The following HCN1 variants were observed in gnomAD, a reference collection of about 807,000 sequenced individuals.
The protein encoded by HCN1 is potassium/sodium hyperpolarization-activated cyclic nucleotide-gated channel 1.
Under a neutral mutation model 78.9 loss-of-function variants are expected in HCN1, and 13 were observed. That is an observed-to-expected ratio of 0.16 (90% CI 0.11 to 0.26). HCN1 has a LOEUF of 0.26. Ranked by LOEUF, HCN1 falls within the 10% of genes least tolerant of loss-of-function variation. The pLI, the probability that HCN1 is intolerant of heterozygous loss-of-function variation, is 1.00. For missense variants in HCN1, 810 were observed against 1,154.3 expected, an observed-to-expected ratio of 0.70 and a Z score of 4.32; for synonymous variants, 552 against 455.5, an observed-to-expected ratio of 1.21 and a Z score of -2.70.
chr5:45,610,132 C>T (rs1744804996), intron 2 of HCN1, among the ~76,000 whole-genome samples: 1 of 152,100 alleles, frequency 6.6e-6, no homozygotes, highest in Non-Finnish European at 1.5e-5. Flanking sequence ...AGAGGGTATA[C>T]TTAAAAGAGG....
At chr5:45,428,388 A>C (rs1214724562) in intron 3 of HCN1, among the ~76,000 whole-genome samples, 1 of 151,906 alleles carries the variant, frequency 6.6e-6, no homozygotes, top group Non-Finnish European at 1.5e-5. Context: ...TTGGGTCCTT[A>C]CTTTCCCTTC....
At chr5:45,493,934 CA>C (rs1741959307) in intron 2 of HCN1, among the ~76,000 whole-genome samples, 1 of 152,096 alleles carries the variant, frequency 6.6e-6, no homozygotes, top group African/African-American at 2.4e-5. Flanking sequence ...ATGAACTCAT[CA>C]TTTTTTATGG....
At chr5:45,346,924 C>A (rs1229807741) in intron 5 of HCN1, among the ~76,000 whole-genome samples, 1 of 152,224 alleles carries the variant, frequency 6.6e-6, no homozygotes, top group Non-Finnish European at 1.5e-5. Flanking sequence ...GTAGGCTCCA[C>A]CTCTGGGGGC....
At chr5:45,393,897 A>T (rs1232491328) in intron 4 of HCN1, among the ~76,000 whole-genome samples, 1 of 152,130 alleles carries the variant, frequency 6.6e-6, no homozygotes, top group Admixed American at 6.6e-5. Flanking sequence ...TGATCTGAGG[A>T]TCATAACTCC....
chr5:45,373,444 C>G (rs1298142323), intron 4 of HCN1, among the ~76,000 whole-genome samples: 4 of 135,178 alleles, frequency 3.0e-5, no homozygotes, highest in African/African-American at 1.1e-4. Context: ...TATACATCAT[C>G]TATAATTTAT....
chr5:45,542,394 C>T (rs1743122478), intron 2 of HCN1, among the ~76,000 whole-genome samples: 1 of 151,938 alleles, frequency 6.6e-6, no homozygotes, highest in Admixed American at 6.6e-5. Flanking sequence ...GTATTTGACT[C>T]TGCTGTATGT....
intron 2 of HCN1, among the ~76,000 whole-genome samples, chr5:45,555,113 T>G (rs1561199459): frequency 6.6e-6 from 1 of 151,896 alleles, no homozygotes; most frequent in Non-Finnish European, 1.5e-5. Flanking sequence ...ATTATTCTTA[T>G]TTGTAGATTA....
intron 2 of HCN1, among the ~76,000 whole-genome samples, chr5:45,535,729 A>G (rs1742954203): frequency 6.6e-6 from 1 of 151,364 alleles, no homozygotes; most frequent in Non-Finnish European, 1.5e-5. Context: ...ATACCAAGGA[A>G]TTTTCCATCA....
intron 3 of HCN1, among the ~76,000 whole-genome samples, chr5:45,431,990 TACAAATAGCATTGAATCTGCA>T (rs545403974): frequency 2.4e-4 from 37 of 152,332 alleles, no homozygotes; most frequent in Admixed American, 2.3e-3. Context: ...GGTAGTTTCA[TACAAATAGCATTGAATCTGCA>T]AATTGTTTTA....
intron 4 of HCN1, among the ~76,000 whole-genome samples, chr5:45,362,484 A>G (rs1197747538): frequency 6.6e-6 from 1 of 152,080 alleles, no homozygotes; most frequent in East Asian, 1.9e-4. Context: ...CTTATAAACA[A>G]TGAAAGAAGT....
intron 2 of HCN1, among the ~76,000 whole-genome samples, chr5:45,622,160 C>T (rs1019200800): frequency 6.6e-6 from 1 of 151,590 alleles, no homozygotes; most frequent in South Asian, 2.1e-4. Flanking sequence ...AGGCCGAGAT[C>T]GCGCCACTGC....
At chr5:45,361,870 T>A (rs561869111) in intron 4 of HCN1, among the ~76,000 whole-genome samples, 1 of 152,186 alleles carries the variant, frequency 6.6e-6, no homozygotes, top group South Asian at 2.1e-4. Flanking sequence ...ACTAAGCATG[T>A]AATTGAAAAA....
chr5:45,448,302 T>G (rs1211707483), intron 3 of HCN1, among the ~76,000 whole-genome samples: 3 of 152,242 alleles, frequency 2.0e-5, no homozygotes. Flanking sequence ...AATACCAAAG[T>G]ATTGTCTCGG....
chr5:45,649,839 A>G (rs889504797), intron 1 of HCN1, among the ~76,000 whole-genome samples: 1 of 152,136 alleles, frequency 6.6e-6, no homozygotes, highest in Non-Finnish European at 1.5e-5. Context: ...AACCTTTTAT[A>G]ATAAGCCAAA....
intron 5 of HCN1, among the ~76,000 whole-genome samples, chr5:45,322,496 T>C (rs1746144691): frequency 6.6e-6 from 1 of 151,912 alleles, no homozygotes; most frequent in Non-Finnish European, 1.5e-5. Flanking sequence ...GGCAGATTCT[T>C]GATTTTTCTC....
At chr5:45,457,092 T>C (rs914439737) in intron 3 of HCN1, among the ~76,000 whole-genome samples, 4 of 152,016 alleles carry the variant, frequency 2.6e-5, no homozygotes, top group African/African-American at 9.7e-5. Context: ...GTAGAAAACA[T>C]GGACTCCCTG....
At chr5:45,545,556 T>C (rs959832412) in intron 2 of HCN1, among the ~76,000 whole-genome samples, 1 of 152,136 alleles carries the variant, frequency 6.6e-6, no homozygotes, top group Non-Finnish European at 1.5e-5. Context: ...GCCTAGGTTT[T>C]CTTCTAGGGT....
chr5:45,695,789 A>AGCATGGAGGTGAACTGCCTCT lies in HCN1; in HGVS notation c.284_304dup (p.Gln95_Met101dup), dbSNP rs1486642519. On this transcript the variant is annotated inframe_insertion, in exon 1 of 8. Coordinates refer to ENST00000303230, the MANE Select transcript of HCN1 (RefSeq NM_021072.4). The stretch of plus-strand genomic sequence containing the variant: ...GGAGAATTTGTTGACCCCGGGCTGC[A>AGCATGGAGGTGAACTGCCTCT]GCATGGAGGTGAACTGCCTCTGCAT... The AGCATGGAGGTGAACTGCCTCT allele has an allele frequency of 6.2e-7, 1 of 1,611,418 alleles. No individual in the cohort carries two copies. The highest frequency in any genetic ancestry group is 8.5e-7 in the Non-Finnish European group (1 of 1,179,552).
At chr5:45,582,293 G>A (rs569358660) in intron 2 of HCN1, among the ~76,000 whole-genome samples, 13 of 152,258 alleles carry the variant, frequency 8.5e-5, no homozygotes, top group Non-Finnish European at 1.9e-4. Context: ...TTGTGAATGG[G>A]AGTTCACTCA....
Sources: gnomAD v4.1 joint callset for allele counts (sites outside exome capture counted in the v4.1 genomes callset) on GRCh38, gnomAD v4.1.1 for gene constraint, MANE v1.5 for transcripts, NCBI Gene and HGNC (gene_info 2026-07-23, HGNC 2026-07-21) for gene names.